The following WWC2 variants were observed in gnomAD, a reference collection of about 807,000 sequenced individuals.
WWC2 encodes WW and C2 domain containing 2, also known as protein WWC2.
WWC2 carries 101 observed loss-of-function variants against 138.5 expected under a neutral mutation model. That is an observed-to-expected ratio of 0.73 (90% confidence interval 0.62 to 0.86). The LOEUF (loss-of-function observed/expected upper bound fraction) is 0.86, where lower values mean the gene tolerates loss of function less well. Among genes scored for constraint, WWC2 ranks in the 40% least tolerant of loss-of-function variants. WWC2 has a pLI of 0.00. For synonymous variants in WWC2, 558 were observed against 538.4 expected (o/e 1.04, Z -0.50); for missense variants, 1,420 against 1,419.4 (o/e 1.00, Z -0.01).
Position 183,208,021 on chromosome 4 carries a change from C to A in WWC2, c.310C>A (p.Leu104Ile). Residue 104 changes from leucine (L) to isoleucine (I), a missense_variant, in exon 3 of 23, where the codon CTC becomes ATC. Transcript: ENST00000403733. ...GEQEKMLKDYLSVAQDALRTQ... is the reference protein window; with the variant it reads ...GEQEKMLKDYISVAQDALRTQ... ...ACAGGAGAAGATGCTCAAGGACTAC[C>A]TCTCTGTGGCACAGGATGCCCTCCG... The A allele has an allele frequency of 6.2e-7, 1 of 1,613,750 alleles. No individual in the cohort carries two copies.
At chr4:183,112,995 G>A (rs1338513383) in intron 1 of WWC2, among the ~76,000 whole-genome samples, 5 of 152,074 alleles carry the variant, frequency 3.3e-5, no homozygotes, top group South Asian at 4.2e-4. Context: ...TAGTTCCGCC[G>A]GGCACGGTGG....
At chr4:183,268,464 T>G (rs1046053031) in intron 14 of WWC2, among the ~76,000 whole-genome samples, 1 of 152,218 alleles carries the variant, frequency 6.6e-6, no homozygotes. Context: ...TTAAATTTTC[T>G]TAACAATATG....
At chr4:183,159,050 T>C (rs1389609508) in intron 1 of WWC2, among the ~76,000 whole-genome samples, 1 of 152,198 alleles carries the variant, frequency 6.6e-6, no homozygotes, top group East Asian at 1.9e-4. Flanking sequence ...GGGTGCAGTT[T>C]TCTGCATTCA....
At chr4:183,274,283 G>C (rs1053338476) in intron 16 of WWC2, among the ~76,000 whole-genome samples, 3 of 152,166 alleles carry the variant, frequency 2.0e-5, no homozygotes, top group African/African-American at 7.2e-5. Flanking sequence ...TTTCATGGGG[G>C]TAGAATTGGA....
At chr4:183,315,641 T>A in intron 22 of WWC2, 22 bp from the exon 23 acceptor site, 1 of 1,602,970 alleles carries the variant, frequency 6.2e-7, no homozygotes, top group Non-Finnish European at 8.5e-7. Flanking sequence ...ATAAGTCAAT[T>A]TATTTCTCAC....
At chr4:183,276,819 GAT>G (rs1737870259) in intron 16 of WWC2, among the ~76,000 whole-genome samples, 1 of 150,022 alleles carries the variant, frequency 6.7e-6, no homozygotes, top group Non-Finnish European at 1.5e-5. Context: ...ATTTGTGAAG[GAT>G]AGTTTTTTTG....
chr4:183,288,817 G>A (rs1322795378), intron 20 of WWC2, among the ~76,000 whole-genome samples: 1 of 152,230 alleles, frequency 6.6e-6, no homozygotes, highest in East Asian at 1.9e-4. Flanking sequence ...ATTCTGATTG[G>A]AGGAGATAGT....
At chr4:183,111,504 G>A (rs1732231428) in intron 1 of WWC2, among the ~76,000 whole-genome samples, 1 of 151,310 alleles carries the variant, frequency 6.6e-6, no homozygotes, top group Admixed American at 6.6e-5. Flanking sequence ...TTTTTTCTTT[G>A]AAACTGTGAC....
At chr4:183,234,319 C>G (rs1373720520) in intron 4 of WWC2, among the ~76,000 whole-genome samples, 1 of 152,130 alleles carries the variant, frequency 6.6e-6, no homozygotes, top group Non-Finnish European at 1.5e-5. Flanking sequence ...CAATTTAGCA[C>G]TCTGGGTTGT....
intron 1 of WWC2, among the ~76,000 whole-genome samples, chr4:183,145,313 G>A (rs940871240): frequency 2.0e-5 from 3 of 151,940 alleles, no homozygotes; most frequent in African/African-American, 7.3e-5. Context: ...ATTTATTTTC[G>A]AGCTATTTGA....
intron 2 of WWC2, among the ~76,000 whole-genome samples, chr4:183,199,931 G>A (rs2111224060): frequency 6.6e-6 from 1 of 152,288 alleles, no homozygotes; most frequent in African/African-American, 2.4e-5. Context: ...TACCACATTT[G>A]TGTAATATAC....
intron 4 of WWC2, among the ~76,000 whole-genome samples, chr4:183,231,366 T>C (rs1736241607): frequency 6.7e-6 from 1 of 150,124 alleles, no homozygotes; most frequent in African/African-American, 2.5e-5. Flanking sequence ...GCCTCCTGTG[T>C]TCAGGCGATT....
rs1739553939 is a variant in WWC2, at chr4:183,319,349, T to C, written c.*3620T>C. On this transcript the variant is annotated 3_prime_UTR_variant, in exon 23 of 23. Transcript: ENST00000403733. ...AACTCATCCACAGTAATGGGTGTCATTACTATTCAGTCTTGATTGATTTTG... is the reference window on the plus strand; with the variant it reads ...AACTCATCCACAGTAATGGGTGTCACTACTATTCAGTCTTGATTGATTTTG... 2 of 561,856 alleles carry C rather than the reference T, an allele frequency of 3.6e-6. No homozygotes were observed. Among genetic ancestry groups the C allele is most frequent in the South Asian group, 2.6e-5 (1 of 38,056 alleles). The allele number at this position is 561,856 out of a possible 1,614,324, so 34.8% of individuals were successfully genotyped here.
chr4:183,166,912 C>T (rs1443279252), intron 1 of WWC2, among the ~76,000 whole-genome samples: 1 of 152,196 alleles, frequency 6.6e-6, no homozygotes, highest in Non-Finnish European at 1.5e-5. Flanking sequence ...TGAACTATCT[C>T]CTCACAAATT....
chr4:183,120,195 C>T (rs946861457), intron 1 of WWC2, among the ~76,000 whole-genome samples: 1 of 152,114 alleles, frequency 6.6e-6, no homozygotes, highest in African/African-American at 2.4e-5. Flanking sequence ...GTTGGAAAAC[C>T]AGTTATTTAA....
At chr4:183,186,158 A>C (rs935009858) in intron 1 of WWC2, among the ~76,000 whole-genome samples, 1 of 152,126 alleles carries the variant, frequency 6.6e-6, no homozygotes, top group South Asian at 2.1e-4. Context: ...CATTCACAGG[A>C]TGGTCTCGAT....
chr4:183,214,782 C>G (rs1336286936), intron 4 of WWC2, among the ~76,000 whole-genome samples: 1 of 134,560 alleles, frequency 7.4e-6, no homozygotes, highest in African/African-American at 2.7e-5. Context: ...AACTCCGTCT[C>G]AAAAAAAAAA....
At chr4:183,250,671 A>G (rs1244926730) in intron 8 of WWC2, among the ~76,000 whole-genome samples, 1 of 151,596 alleles carries the variant, frequency 6.6e-6, no homozygotes, top group African/African-American at 2.4e-5. Flanking sequence ...ATAATATAGA[A>G]CTCCTTATTA....
At chr4:183,226,308 G>A (rs1736072980) in intron 4 of WWC2, among the ~76,000 whole-genome samples, 2 of 151,862 alleles carry the variant, frequency 1.3e-5, no homozygotes, top group South Asian at 2.1e-4. Flanking sequence ...ATGTTGTCCA[G>A]GCTGGTCACA....
Sources: gnomAD v4.1 joint callset for allele counts (sites outside exome capture counted in the v4.1 genomes callset) on GRCh38, gnomAD v4.1.1 for gene constraint, MANE v1.5 for transcripts, NCBI Gene and HGNC (gene_info 2026-07-23, HGNC 2026-07-21) for gene names.